The following KIF6 variants were observed in gnomAD, a reference collection of about 807,000 sequenced individuals.
KIF6 encodes the protein kinesin-like protein KIF6.
Under a neutral mutation model 112.7 loss-of-function variants are expected in KIF6, and 106 were observed. The observed-to-expected ratio is 0.94, with a 90% CI of 0.80 to 1.11. The LOEUF is 1.11. Ranked by LOEUF, KIF6 falls within the 50% of genes least tolerant of loss-of-function variation. KIF6 has a pLI of 0.00. For missense variants in KIF6, 929 were observed against 964.0 expected, an observed-to-expected ratio of 0.96 and a Z score of 0.48; for synonymous variants, 339 against 339.9, an observed-to-expected ratio of 1.00 and a Z score of 0.03.
intron 5 of KIF6, among the ~76,000 whole-genome samples, chr6:39,619,964 T>A (rs566165075): frequency 2.8e-4 from 42 of 152,320 alleles, no homozygotes; most frequent in Middle Eastern, 3.4e-3. Flanking sequence ...CCTAACAATA[T>A]CACTTCACAA....
chr6:39,583,728 G>A (rs1781439246), intron 9 of KIF6, among the ~76,000 whole-genome samples: 1 of 94,854 alleles, frequency 1.1e-5, no homozygotes, highest in Middle Eastern at 0.012. Context: ...AGATTACTAA[G>A]CCCCTACCAG....
In KIF6 at chr6:39,612,000, AT is replaced by A. The variant is rs1783239528; in HGVS notation, c.639+1188del. 2.6e-5 allele frequency among the ~76,000 whole-genome samples: 4 copies of A among 152,326 alleles called. No homozygotes were observed. In the East Asian group the frequency reaches 7.7e-4, roughly 29 times the overall value. On this transcript the variant is annotated intron_variant, in intron 6 of 22. Transcript: ENST00000287152. The stretch of plus-strand genomic sequence containing the variant: ...AATTTAAGCGACCTTAAATCCATAT[AT>A]ATGGCACATAAACTCAACCTATATA...
At chr6:39,639,391 TTTG>T (rs1481625797) in intron 4 of KIF6, among the ~76,000 whole-genome samples, 1 of 152,112 alleles carries the variant, frequency 6.6e-6, no homozygotes, top group Admixed American at 6.6e-5. Context: ...TCCTTGAGCC[TTTG>T]CTGAAATAGC....
At chr6:39,642,787 C>T (rs1019511019) in intron 3 of KIF6, among the ~76,000 whole-genome samples, 2 of 152,110 alleles carry the variant, frequency 1.3e-5, no homozygotes, top group African/African-American at 4.8e-5. Flanking sequence ...CACACATGTG[C>T]AGGACTATAT....
chr6:39,695,055 A>T (rs1277283780), intron 3 of KIF6, among the ~76,000 whole-genome samples: 2 of 152,228 alleles, frequency 1.3e-5, no homozygotes, highest in African/African-American at 4.8e-5. Context: ...GTTAACAAAA[A>T]TAAACAATGG....
At chr6:39,642,951 G>T (rs1784987112) in intron 3 of KIF6, among the ~76,000 whole-genome samples, 1 of 152,086 alleles carries the variant, frequency 6.6e-6, no homozygotes, top group Non-Finnish European at 1.5e-5. Context: ...TTGTATGTAG[G>T]CTGGGAGATG....
chr6:39,346,088 C>CCTCTCCCT lies in KIF6; in HGVS notation c.2232-300_2232-299insAGGGAGAG, dbSNP rs1562112910. Among the ~76,000 whole-genome samples, 42 of 34,488 alleles carry CCTCTCCCT rather than the reference C, an allele frequency of 1.2e-3. 5 individuals carry two copies. The highest frequency in any genetic ancestry group is 1.5e-3 in the South Asian group (1 of 654). The allele number at this position is 34,488 out of a possible 152,430, so 22.6% of individuals were successfully genotyped here. A position where few individuals can be genotyped will look rare whatever the true frequency, so the allele number is the denominator to read the frequency against. On this transcript the variant is annotated intron_variant, in intron 20 of 22. Coordinates refer to ENST00000287152, the MANE Select transcript of KIF6 (RefSeq NM_145027.6). ...TCTCTCTCTCTCTCTCTCTCTCTCCCCCCCCTCTCCCTCCCCCCCTCCCTC... is the reference window on the plus strand; with the variant it reads ...TCTCTCTCTCTCTCTCTCTCTCTCCCCTCTCCCTCCCCCTCTCCCTCCCCCCCTCCCTC...
intron 3 of KIF6, among the ~76,000 whole-genome samples, chr6:39,705,237 A>C (rs1363926449): frequency 6.6e-6 from 1 of 152,200 alleles, no homozygotes; most frequent in Non-Finnish European, 1.5e-5. Context: ...CTGATTCAAT[A>C]GGTCTGGGTG....
intron 15 of KIF6, among the ~76,000 whole-genome samples, chr6:39,414,390 C>A (rs1769744837): frequency 6.6e-6 from 1 of 152,196 alleles, no homozygotes; most frequent in Non-Finnish European, 1.5e-5. Flanking sequence ...ACTCTATTCT[C>A]CAAACCACTG....
chr6:39,639,530 G>C, intron 4 of KIF6, 80 bp downstream of exon 4: 1 of 1,149,888 alleles, frequency 8.7e-7, no homozygotes, highest in Non-Finnish European at 1.2e-6. Context: ...TAAAATACAT[G>C]TCATAATAAA....
intron 13 of KIF6, among the ~76,000 whole-genome samples, chr6:39,496,330 T>G (rs945226087): frequency 6.6e-6 from 1 of 152,202 alleles, no homozygotes; most frequent in Non-Finnish European, 1.5e-5. Flanking sequence ...ATGGCTCAAT[T>G]GGCTCCCATA....
At chr6:39,336,813 C>CTTTCTTTT (rs1216553803) in intron 22 of KIF6, among the ~76,000 whole-genome samples, 1 of 151,640 alleles carries the variant, frequency 6.6e-6, no homozygotes, top group African/African-American at 2.4e-5. Flanking sequence ...TTCTTTCTTT[C>CTTTCTTTT]TTTTTTTTGA....
intron 16 of KIF6, among the ~76,000 whole-genome samples, chr6:39,368,585 C>T (rs1035955675): frequency 1.3e-5 from 2 of 152,216 alleles, no homozygotes; most frequent in African/African-American, 2.4e-5. Context: ...GTCTTAGTGT[C>T]TTCCCCTGGT....
At chr6:39,449,968 T>A (rs1772580149) in intron 13 of KIF6, among the ~76,000 whole-genome samples, 2 of 152,254 alleles carry the variant, frequency 1.3e-5, no homozygotes, top group Non-Finnish European at 2.9e-5. Flanking sequence ...ACTATTCTGC[T>A]GTCTCTTTCT....
chr6:39,592,307 T>C (rs1170784629), intron 7 of KIF6, among the ~76,000 whole-genome samples: 1 of 152,228 alleles, frequency 6.6e-6, no homozygotes, highest in Non-Finnish European at 1.5e-5. Flanking sequence ...CTATTTACTA[T>C]TTAATGAGTT....
chr6:39,586,045 T>C (rs1445862888), intron 8 of KIF6, among the ~76,000 whole-genome samples: 1 of 152,238 alleles, frequency 6.6e-6, no homozygotes, highest in Non-Finnish European at 1.5e-5. Context: ...TCCTGTGCTA[T>C]GTGAAGTCAA....
At chr6:39,626,628 G>A (rs909376438) in intron 5 of KIF6, among the ~76,000 whole-genome samples, 3 of 152,042 alleles carry the variant, frequency 2.0e-5, no homozygotes, top group Admixed American at 2.0e-4. Context: ...ATAAAAACTG[G>A]CATAAAATAA....
intron 13 of KIF6, among the ~76,000 whole-genome samples, chr6:39,493,322 T>C (rs1004454552): frequency 6.6e-6 from 1 of 152,216 alleles, no homozygotes. Flanking sequence ...TGGGATGATT[T>C]ACCATAAAGT....
At chr6:39,345,596 G>T in intron 21 of KIF6, 104 bp downstream of exon 21, 1 of 871,350 alleles carries the variant, frequency 1.1e-6, no homozygotes, top group Non-Finnish European at 1.8e-6. Context: ...TTCTGTCTGT[G>T]TGGCTACTGG....
Sources: allele counts gnomAD v4.1 joint callset (sites outside exome capture counted in the v4.1 genomes callset), GRCh38; gene constraint gnomAD v4.1.1; transcripts MANE v1.5; gene names NCBI Gene and HGNC (gene_info 2026-07-23, HGNC 2026-07-21).